Variants in FOXP1 observed in about 807,000 individuals in gnomAD.
FOXP1 encodes the protein forkhead box protein P1.
In FOXP1, 15 loss-of-function variants were observed where a neutral mutation model predicts 98.2. That is an observed-to-expected ratio of 0.15 (90% confidence interval 0.10 to 0.24). The LOEUF (loss-of-function observed/expected upper bound fraction) is 0.24. Ranked by LOEUF, FOXP1 falls within the 10% of genes least tolerant of loss-of-function variation. The pLI, the probability that FOXP1 is intolerant of heterozygous loss-of-function variation, is 1.00. For synonymous variants in FOXP1, 371 were observed against 314.5 expected (o/e 1.18, Z -1.90); for missense variants, 633 against 848.5 (o/e 0.75, Z 3.15).
chr3:71,339,591 T>C (rs112433046), intron 4 of FOXP1, among the ~76,000 whole-genome samples: 2 of 152,238 alleles, frequency 1.3e-5, no homozygotes, highest in African/African-American at 2.4e-5. Flanking sequence ...GTAAGAGATG[T>C]CTCTCTGCTT....
intron 5 of FOXP1, among the ~76,000 whole-genome samples, chr3:71,295,572 AAACTGAACC>A (rs2073202822): frequency 6.6e-6 from 1 of 152,220 alleles, no homozygotes; most frequent in East Asian, 1.9e-4. Context: ...TTTAAAAAAA[AAACTGAACC>A]AATACACAAA....
At position 71,224,591 on chromosome 3, in the gene FOXP1, A is replaced by T. The variant is rs1362079388; in HGVS notation, c.-11-26199T>A. 2.0e-5 allele frequency among the ~76,000 whole-genome samples: 3 copies of T among 152,230 alleles called. No individual in the cohort carries two copies. In the East Asian group the frequency reaches 5.8e-4, roughly 29 times the overall value. Reference sequence around the variant, plus strand: ...CAGAAAACATACACAGCAAAAAACCAGTGAGACTGGACAAGCTTCTAAAAT... The same window carrying T: ...CAGAAAACATACACAGCAAAAAACCTGTGAGACTGGACAAGCTTCTAAAAT... On this transcript the variant is annotated intron_variant, in intron 5 of 20. Coordinates refer to ENST00000649528, the MANE Select transcript of FOXP1 (RefSeq NM_001349338.3).
chr3:71,348,566 C>T (rs1560349484), intron 4 of FOXP1, among the ~76,000 whole-genome samples: 1 of 141,636 alleles, frequency 7.1e-6, no homozygotes, highest in Admixed American at 6.9e-5. Flanking sequence ...CGCGCGCACG[C>T]ATATGCATGT....
At chr3:70,971,977 G>GAA in intron 18 of FOXP1, 205 of 1,166,764 alleles carry the variant, frequency 1.8e-4, no homozygotes, top group South Asian at 5.3e-4. Context: ...AGCAACAGCA[G>GAA]AAAAAAAAAA....
At chr3:71,326,180 C>T (rs894305409) in intron 4 of FOXP1, among the ~76,000 whole-genome samples, 3 of 152,124 alleles carry the variant, frequency 2.0e-5, no homozygotes, top group East Asian at 1.9e-4. Flanking sequence ...CTGGACTATG[C>T]CATTACCCTC....
At chr3:71,227,187 A>G (rs1267827585) in intron 5 of FOXP1, among the ~76,000 whole-genome samples, 1 of 152,074 alleles carries the variant, frequency 6.6e-6, no homozygotes, top group Non-Finnish European at 1.5e-5. Context: ...CAGGCACGCG[A>G]CCATGGTGAC....
At chr3:71,477,822 T>A (rs2089976172) in intron 3 of FOXP1, among the ~76,000 whole-genome samples, 1 of 152,170 alleles carries the variant, frequency 6.6e-6, no homozygotes, top group South Asian at 2.1e-4. Context: ...ATACATGAAG[T>A]ACCAACTGAA....
intron 13 of FOXP1, among the ~76,000 whole-genome samples, 154 bp downstream of exon 13, chr3:71,000,818 A>ATAAAATAAAAT (rs2042032074): frequency 1.3e-5 from 2 of 150,650 alleles, no homozygotes; most frequent in Admixed American, 1.3e-4. Context: ...ATAAAATAAA[A>ATAAAATAAAAT]TAAAATAAAA....
intron 6 of FOXP1, among the ~76,000 whole-genome samples, chr3:71,140,333 A>G (rs1445368335): frequency 6.6e-6 from 1 of 152,210 alleles, no homozygotes; most frequent in Non-Finnish European, 1.5e-5. Flanking sequence ...GATCGCATTT[A>G]TGACTGAGAC....
chr3:71,110,215 T>C (rs1575748976), intron 7 of FOXP1, among the ~76,000 whole-genome samples: 1 of 152,178 alleles, frequency 6.6e-6, no homozygotes, highest in East Asian at 1.9e-4. Context: ...AGGAACTTCG[T>C]TCATCTTGGA....
At chr3:71,028,061 A>G (rs1415306372) in intron 11 of FOXP1, among the ~76,000 whole-genome samples, 1 of 152,208 alleles carries the variant, frequency 6.6e-6, no homozygotes, top group Non-Finnish European at 1.5e-5. Context: ...ATAGAGTGAG[A>G]GCAGAGAACC....
chr3:71,446,150 G>A (rs140685486), intron 3 of FOXP1, among the ~76,000 whole-genome samples: 2 of 152,292 alleles, frequency 1.3e-5, no homozygotes, highest in Non-Finnish European at 2.9e-5. Flanking sequence ...GCCCTTCTCT[G>A]AGAAGCCTGG....
rs2031363058 is a variant in FOXP1 at position 70,954,718 on chromosome 3, A to G, written c.*4529T>C. 1 of 223,858 alleles carries G rather than the reference A, an allele frequency of 4.5e-6. No individual in the cohort carries two copies. Among genetic ancestry groups the G allele is most frequent in the South Asian group, 1.8e-4 (1 of 5,458 alleles). The allele number at this position is 223,858 out of a possible 1,614,324, so 13.9% of individuals were successfully genotyped here. ...TTAGGCTGTGGCAACTTTTACTACC[A>G]GCGTGAACAACCAGCATTTTTATTG... is the stretch of plus-strand genomic sequence containing the variant. On this transcript the variant is annotated 3_prime_UTR_variant, in exon 21 of 21. Transcript: ENST00000649528.
Position 71,377,514 on chromosome 3 carries a change from A to T in FOXP1, c.-167-18270T>A, listed in dbSNP as rs577802162. Among the ~76,000 whole-genome samples the T allele has an allele frequency of 2.0e-5, 3 of 152,312 alleles. No individual in the cohort carries two copies. The South Asian group carries it at 6.2e-4, about 32-fold the overall frequency. On this transcript the variant is annotated intron_variant, in intron 3 of 20. Coordinates refer to ENST00000649528, the MANE Select transcript of FOXP1 (RefSeq NM_001349338.3). ...AGGTAAGTACTTTTTCATCCCCATC[A>T]TCAGATGAGAAAACTGAGGCTTAAA... is the stretch of plus-strand genomic sequence containing the variant.
chr3:71,311,946 C>T (rs1335484679), intron 4 of FOXP1, among the ~76,000 whole-genome samples: 2 of 152,170 alleles, frequency 1.3e-5, no homozygotes, highest in African/African-American at 4.8e-5. Flanking sequence ...CAAGGCGAGG[C>T]TTCCCCAAAG....
At chr3:71,578,412 A>C (rs941837091) in intron 2 of FOXP1, among the ~76,000 whole-genome samples, 3 of 152,230 alleles carry the variant, frequency 2.0e-5, no homozygotes, top group African/African-American at 7.2e-5. Flanking sequence ...TTAAAGGACA[A>C]AATTCTTGCT....
At chr3:71,529,211 TTGTTAGTA>T (rs1338337137) in intron 2 of FOXP1, among the ~76,000 whole-genome samples, 1 of 152,228 alleles carries the variant, frequency 6.6e-6, no homozygotes, top group Non-Finnish European at 1.5e-5. Context: ...AGTTTTCAGT[TTGTTAGTA>T]TGTCTCAATA....
chr3:71,291,710 G>GTT (rs1576801175), intron 5 of FOXP1, among the ~76,000 whole-genome samples: 1 of 123,216 alleles, frequency 8.1e-6, no homozygotes. Flanking sequence ...TGCTTATTCT[G>GTT]TATTTTTTTT....
At chr3:71,005,090 C>A (rs1209463985) in intron 12 of FOXP1, among the ~76,000 whole-genome samples, 1 of 151,796 alleles carries the variant, frequency 6.6e-6, no homozygotes, top group Non-Finnish European at 1.5e-5. Flanking sequence ...AAACAACAGG[C>A]TACTATAAAT....
Sources: allele counts gnomAD v4.1 joint callset (sites outside exome capture counted in the v4.1 genomes callset), GRCh38; gene constraint gnomAD v4.1.1; transcripts MANE v1.5; gene names NCBI Gene and HGNC (gene_info 2026-07-23, HGNC 2026-07-21).